RANBP2: variants seen among roughly 807,000 people sequenced by gnomAD.
RANBP2 encodes the protein E3 SUMO-protein ligase RanBP2.
A neutral mutation model predicts 303.6 loss-of-function variants in RANBP2; 57 were observed. The observed-to-expected ratio is 0.19, with a 90% CI of 0.15 to 0.23. The LOEUF (loss-of-function observed/expected upper bound fraction) is 0.23, where lower values mean the gene tolerates loss of function less well. Ranked by LOEUF, RANBP2 falls within the 10% of genes least tolerant of loss-of-function variation. The pLI, the probability that RANBP2 is intolerant of heterozygous loss-of-function variation, is 1.00. For missense variants in RANBP2, 3,138 were observed against 3,780.8 expected, an observed-to-expected ratio of 0.83 and a Z score of 4.46; for synonymous variants, 1,167 against 1,301.5, an observed-to-expected ratio of 0.90 and a Z score of 2.23.
At chr2:109,298,431 A>T in the RANBP2 span, among the ~76,000 whole-genome samples, 1 of 152,110 alleles carries the variant, frequency 6.6e-6, no homozygotes, top group Non-Finnish European at 1.5e-5. Flanking sequence ...TCTGTGGGTC[A>T]TTGAAGGAGG....
chr2:109,096,615 G>C, the RANBP2 span, among the ~76,000 whole-genome samples: 10 of 152,102 alleles, frequency 6.6e-5, no homozygotes, highest in Admixed American at 3.3e-4. Context: ...AAAACTGTCA[G>C]GACTCTCATG....
chr2:108,766,519 G>A lies in RANBP2; in HGVS notation c.5980G>A (p.Gly1994Ser), dbSNP rs756129527. The A allele has an allele frequency of 1.6e-5, 25 of 1,611,886 alleles. No homozygotes were observed. In the South Asian group the frequency reaches 1.9e-4, roughly 12 times the overall value. ...AATGGCCAATAAAGCAAACACTTCCGGTGACTTTGAGAAAGATGATGATGC... is the reference window on the plus strand; with the variant it reads ...AATGGCCAATAAAGCAAACACTTCCAGTGACTTTGAGAAAGATGATGATGC... Reference protein sequence around the residue: ...GKMANKANTSGDFEKDDDAYK... With the variant: ...GKMANKANTSSDFEKDDDAYK... Residue 1994 changes from glycine to serine, a missense_variant, in exon 20 of 29, where the codon GGT becomes AGT. Around this residue, in one of 20 missense-constraint regions of RANBP2, gnomAD observed 348 missense variants for 360.4 expected, o/e 0.97. Coordinates refer to ENST00000283195, the MANE Select transcript of RANBP2 (RefSeq NM_006267.5).
the RANBP2 span, among the ~76,000 whole-genome samples, chr2:108,922,360 T>TA: frequency 2.0e-5 from 3 of 152,248 alleles, no homozygotes; most frequent in Non-Finnish European, 4.4e-5. Context: ...CGGCCTCCTC[T>TA]AATTTGTGAA....
At chr2:109,081,790 C>G in the RANBP2 span, among the ~76,000 whole-genome samples, 1 of 152,222 alleles carries the variant, frequency 6.6e-6, no homozygotes, top group South Asian at 2.1e-4. Flanking sequence ...TTTGCAACCA[C>G]AGTGCCTGGC....
At chr2:109,143,006 C>T in the RANBP2 span, among the ~76,000 whole-genome samples, 1 of 152,004 alleles carries the variant, frequency 6.6e-6, no homozygotes, top group African/African-American at 2.4e-5. Flanking sequence ...TGTGATTTGG[C>T]ACTAGAGATG....
At chr2:109,315,231 T>TATA in the RANBP2 span, among the ~76,000 whole-genome samples, 5 of 152,214 alleles carry the variant, frequency 3.3e-5, no homozygotes, top group Non-Finnish European at 7.3e-5. Context: ...TGGAGAGGGC[T>TATA]ATAGTCTCTC....
the RANBP2 span, among the ~76,000 whole-genome samples, chr2:109,709,065 G>A: frequency 6.7e-6 from 1 of 150,342 alleles, no homozygotes. Flanking sequence ...CATTTTGGGA[G>A]GCCAAGGTGG....
the RANBP2 span, chr2:108,895,791 C>T: frequency 3.9e-5 from 6 of 152,232 alleles, no homozygotes; most frequent in African/African-American, 9.6e-5. Flanking sequence ...AGCCCAGGCT[C>T]TCATTTGCGC....
the RANBP2 span, among the ~76,000 whole-genome samples, chr2:109,628,193 A>G: frequency 6.6e-6 from 1 of 152,110 alleles, no homozygotes; most frequent in Non-Finnish European, 1.5e-5. Flanking sequence ...AGAAAATCAC[A>G]TTTAAAAAGA....
At chr2:108,961,229 G>T in the RANBP2 span, among the ~76,000 whole-genome samples, 1 of 151,818 alleles carries the variant, frequency 6.6e-6, no homozygotes, top group African/African-American at 2.4e-5. Context: ...TAATGAAAGG[G>T]TAAAGAACCA....
the RANBP2 span, among the ~76,000 whole-genome samples, chr2:109,059,634 C>G: frequency 2.0e-5 from 3 of 152,090 alleles, no homozygotes; most frequent in African/African-American, 7.2e-5. Context: ...CAACTGCACT[C>G]CTGCCAACTC....
At chr2:109,581,505 A>G in the RANBP2 span, among the ~76,000 whole-genome samples, 1 of 151,680 alleles carries the variant, frequency 6.6e-6, no homozygotes, top group Non-Finnish European at 1.5e-5. Flanking sequence ...AGCTTATTTA[A>G]AAAGAACTAA....
At chr2:108,967,572 A>G in the RANBP2 span, among the ~76,000 whole-genome samples, 1 of 152,190 alleles carries the variant, frequency 6.6e-6, no homozygotes. Flanking sequence ...TTTTCTGCCA[A>G]GACGGGGTGG....
At chr2:108,776,843 G>A (rs941014325) in intron 24 of RANBP2, among the ~76,000 whole-genome samples, 2 of 152,170 alleles carry the variant, frequency 1.3e-5, no homozygotes, top group Non-Finnish European at 2.9e-5. Flanking sequence ...AGCAGAAACT[G>A]TAGTTTAATA....
At chr2:108,837,748 TA>T in the RANBP2 span, among the ~76,000 whole-genome samples, 1 of 152,238 alleles carries the variant, frequency 6.6e-6, no homozygotes, top group African/African-American at 2.4e-5. Context: ...ATTGTTATTT[TA>T]GAGTGTATCT....
chr2:109,538,265 T>C, the RANBP2 span, among the ~76,000 whole-genome samples: 1 of 152,200 alleles, frequency 6.6e-6, no homozygotes, highest in Admixed American at 6.5e-5. Context: ...CTCTCGGCTT[T>C]CAAGGACCCA....
chr2:109,723,313 G>T, the RANBP2 span, among the ~76,000 whole-genome samples: 2 of 152,048 alleles, frequency 1.3e-5, no homozygotes, highest in Non-Finnish European at 2.9e-5. Flanking sequence ...CACACGCCCG[G>T]CTAATTTTTG....
chr2:109,533,510 C>T, the RANBP2 span, among the ~76,000 whole-genome samples: 80,087 of 152,040 alleles, frequency 0.53, 22,467 homozygotes, highest in African/African-American at 0.73. Flanking sequence ...GACAGAACCA[C>T]GGGCCTGAGG....
At chr2:109,315,025 ACT>A in the RANBP2 span, among the ~76,000 whole-genome samples, 1 of 152,082 alleles carries the variant, frequency 6.6e-6, no homozygotes, top group African/African-American at 2.4e-5. Flanking sequence ...CACCGACCAC[ACT>A]CAGTGAACAG....
Sources: gnomAD v4.1 joint callset for allele counts (sites outside exome capture counted in the v4.1 genomes callset) on GRCh38, gnomAD v4.1.1 for gene constraint, gnomAD v4.1.1 regional missense constraint, MANE v1.5 for transcripts, NCBI Gene and HGNC (gene_info 2026-07-23, HGNC 2026-07-21) for gene names.